Variants in COL4A3 observed in about 807,000 individuals in gnomAD.
COL4A3 encodes collagen type IV alpha 3 chain, also known as collagen alpha-3(IV) chain.
In COL4A3, 135 loss-of-function variants were observed where a neutral mutation model predicts 217.4. The observed-to-expected ratio is 0.62, with a 90% confidence interval of 0.54 to 0.72. The LOEUF is 0.72. Ranked by LOEUF, COL4A3 falls within the 30% of genes least tolerant of loss-of-function variation. The pLI, the probability that COL4A3 is intolerant of heterozygous loss-of-function variation, is 0.00. For missense variants in COL4A3, 1,868 were observed against 2,119.9 expected (o/e 0.88, Z 2.33); for synonymous variants, 690 against 736.3 (o/e 0.94, Z 1.02).
intron 1 of COL4A3, among the ~76,000 whole-genome samples, chr2:227,168,271 C>T (rs1559789059): frequency 6.6e-6 from 1 of 152,344 alleles, no homozygotes; most frequent in East Asian, 1.9e-4. Context: ...TTGACAAGTT[C>T]ATCTGCAAAA....
intron 26 of COL4A3, among the ~76,000 whole-genome samples, chr2:227,273,371 G>C (rs1055604678): frequency 6.6e-6 from 1 of 151,974 alleles, no homozygotes; most frequent in Non-Finnish European, 1.5e-5. Flanking sequence ...ATATATATAT[G>C]AAATGAATAG....
At chr2:227,221,094 C>T (rs766339597) in intron 1 of COL4A3, 5 of 152,212 alleles carry the variant, frequency 3.3e-5, no homozygotes, top group African/African-American at 1.2e-4. Context: ...AAAGTCATCA[C>T]CCCTCTTTGT....
intron 22 of COL4A3, among the ~76,000 whole-genome samples, 190 bp from the exon 23 acceptor site, chr2:227,266,803 T>C (rs2070921749): frequency 6.6e-6 from 1 of 152,240 alleles, no homozygotes; most frequent in Non-Finnish European, 1.5e-5. Context: ...AAGAACTGTA[T>C]AGCTCAGAAC....
chr2:227,190,065 A>C (rs1057475769), intron 1 of COL4A3, among the ~76,000 whole-genome samples: 2 of 152,198 alleles, frequency 1.3e-5, no homozygotes, highest in African/African-American at 4.8e-5. Context: ...GAAGAATGTC[A>C]GGTGGAAAAA....
At chr2:227,232,688 T>C (rs1217630803) in intron 1 of COL4A3, among the ~76,000 whole-genome samples, 4 of 152,240 alleles carry the variant, frequency 2.6e-5, no homozygotes, top group African/African-American at 9.6e-5. Context: ...GAAATGTCTA[T>C]TCAAATCTTT....
At chr2:227,210,985 TTTTTTG>T (rs1056978917) in intron 1 of COL4A3, among the ~76,000 whole-genome samples, 2 of 152,062 alleles carry the variant, frequency 1.3e-5, no homozygotes, top group African/African-American at 4.8e-5. Flanking sequence ...AAGCTGTAGT[TTTTTTG>T]TTTTTGTTTT....
At chr2:227,245,472 AG>A (rs2069278796) in intron 5 of COL4A3, among the ~76,000 whole-genome samples, 1 of 152,194 alleles carries the variant, frequency 6.6e-6, no homozygotes, top group Non-Finnish European at 1.5e-5. Flanking sequence ...ATTCTATATA[AG>A]AGACTTGAGT....
chr2:227,260,288 G>A (rs373413864), intron 19 of COL4A3, among the ~76,000 whole-genome samples: 109 of 152,310 alleles, frequency 7.2e-4, no homozygotes, highest in Non-Finnish European at 1.2e-3. Flanking sequence ...CCTTGATGCC[G>A]TGAATTATTG....
chr2:227,273,915 A>G (rs1214392318), intron 26 of COL4A3, among the ~76,000 whole-genome samples: 1 of 152,148 alleles, frequency 6.6e-6, no homozygotes, highest in Admixed American at 6.5e-5. Flanking sequence ...TTGAGCAAAT[A>G]ATGCCAACAT....
chr2:227,304,557 CA>C (rs763170098), intron 46 of COL4A3, among the ~76,000 whole-genome samples: 4 of 152,218 alleles, frequency 2.6e-5, no homozygotes, highest in Middle Eastern at 3.4e-3. Flanking sequence ...GAAATCTTTT[CA>C]AAATACTGGT....
At chr2:227,188,104 G>A (rs940316657) in intron 1 of COL4A3, among the ~76,000 whole-genome samples, 2 of 151,438 alleles carry the variant, frequency 1.3e-5, no homozygotes, top group African/African-American at 2.4e-5. Flanking sequence ...TAAAATAAAT[G>A]TTAGTAACTC....
At chr2:227,246,541 C>T (rs1451009106) in intron 6 of COL4A3, 144 bp from the exon 7 acceptor site, 12 of 702,610 alleles carry the variant, frequency 1.7e-5, no homozygotes, top group Non-Finnish European at 2.8e-5. Flanking sequence ...TGGTCTTCAG[C>T]CTCATGACCC....
intron 26 of COL4A3, 132 bp downstream of exon 26, chr2:227,273,249 GAT>G: frequency 2.0e-6 from 2 of 983,180 alleles, no homozygotes; most frequent in Non-Finnish European, 3.1e-6. Context: ...TCAACTCACA[GAT>G]ACCAGGAAAG....
At chr2:227,296,045 G>A (rs982836099) in intron 41 of COL4A3, among the ~76,000 whole-genome samples, 10 of 152,340 alleles carry the variant, frequency 6.6e-5, no homozygotes, top group Admixed American at 6.5e-4. Flanking sequence ...ACACACTGAA[G>A]GGCTCTAGTT....
At chr2:227,246,777 G>T (rs1356897016) in intron 7 of COL4A3, 39 bp downstream of exon 7, 1 of 1,551,430 alleles carries the variant, frequency 6.4e-7, no homozygotes. Flanking sequence ...AAGACATAAA[G>T]TATAAATAAC....
intron 34 of COL4A3, among the ~76,000 whole-genome samples, 192 bp from the exon 35 acceptor site, chr2:227,288,958 T>G (rs1422588882): frequency 2.0e-5 from 3 of 150,586 alleles, no homozygotes; most frequent in African/African-American, 4.9e-5. Flanking sequence ...TGGGTTTTTT[T>G]TTTTTTTTTT....
intron 31 of COL4A3, among the ~76,000 whole-genome samples, chr2:227,281,973 T>C (rs1361697331): frequency 6.6e-6 from 1 of 152,124 alleles, no homozygotes; most frequent in Admixed American, 6.5e-5. Context: ...TTTACAGCCA[T>C]AAAATATTTC....
At chr2:227,256,269 A>G in intron 16 of COL4A3, 74 bp from the exon 17 acceptor site, 1 of 1,398,800 alleles carries the variant, frequency 7.1e-7, no homozygotes, top group Non-Finnish European at 1.0e-6. Context: ...AGAGGAGTTC[A>G]AATTGCACCT....
chr2:227,307,756 A>G lies in COL4A3; in HGVS notation c.4299A>G (p.Gly1433=). 1 of 1,614,210 alleles carries G rather than the reference A, an allele frequency of 6.2e-7. No individual in the cohort carries two copies. The highest frequency in any genetic ancestry group is 8.5e-7 in the Non-Finnish European group (1 of 1,180,032). Residue 1433 remains glycine, a synonymous_variant, in exon 48 of 52, where the codon GGA becomes GGG. Coordinates refer to ENST00000396578, the MANE Select transcript of COL4A3 (RefSeq NM_000091.5). ...TGCCAGGTTTGAAAGGAAAACGTGGAGACAGTGGATCACCTGCAACCTGGA... is the reference window on the plus strand; with the variant it reads ...TGCCAGGTTTGAAAGGAAAACGTGGGGACAGTGGATCACCTGCAACCTGGA... ...DGLPGLKGKR[G]DSGSPATWTT... is the part of the protein sequence containing the mutation.
Sources: gnomAD v4.1 joint callset for allele counts (sites outside exome capture counted in the v4.1 genomes callset) on GRCh38, gnomAD v4.1.1 for gene constraint, MANE v1.5 for transcripts, NCBI Gene and HGNC (gene_info 2026-07-23, HGNC 2026-07-21) for gene names.